The following PRR16 variants were observed in gnomAD, a reference collection of about 807,000 sequenced individuals.
The protein encoded by PRR16 is protein Largen.
Under a neutral mutation model 18.2 loss-of-function variants are expected in PRR16, and 6 were observed. The ratio of observed to expected loss-of-function variants is 0.33; its 90% CI spans 0.18 to 0.65. The LOEUF (loss-of-function observed/expected upper bound fraction) is 0.65, where lower values mean the gene tolerates loss of function less well. Ranked by LOEUF, PRR16 falls within the 30% of genes least tolerant of loss-of-function variation. PRR16 has a pLI of 0.74. For synonymous variants in PRR16, 151 were observed against 147.8 expected, an observed-to-expected ratio of 1.02 and a Z score of -0.16; for missense variants, 412 against 376.6, an observed-to-expected ratio of 1.09 and a Z score of -0.78.
chr5:120,508,942 C>G (rs1339820859), intron 1 of PRR16, among the ~76,000 whole-genome samples: 1 of 151,894 alleles, frequency 6.6e-6, no homozygotes, highest in Admixed American at 6.6e-5. Flanking sequence ...TGTATATAAC[C>G]TGTAACTTTT....
At chr5:120,543,867 C>G (rs1192603083) in intron 1 of PRR16, among the ~76,000 whole-genome samples, 2 of 152,150 alleles carry the variant, frequency 1.3e-5, no homozygotes, top group South Asian at 2.1e-4. Context: ...TACTTGTCCT[C>G]TTTGAGTCTC....
the PRR16 span, among the ~76,000 whole-genome samples, chr5:120,787,330 G>C: frequency 1.3e-5 from 2 of 152,094 alleles, no homozygotes; most frequent in African/African-American, 2.4e-5. Context: ...GTGGGTCTGA[G>C]GTAATGGATC....
chr5:120,716,615 C>A, the PRR16 span, among the ~76,000 whole-genome samples: 1,422 of 152,252 alleles, frequency 9.3e-3, 9 homozygotes, highest in Non-Finnish European at 0.014. Context: ...GTGGCTCACG[C>A]CTGTATTCCC....
At chr5:120,493,274 C>T (rs751084722) in intron 1 of PRR16, among the ~76,000 whole-genome samples, 2 of 152,028 alleles carry the variant, frequency 1.3e-5, no homozygotes, top group Non-Finnish European at 2.9e-5. Flanking sequence ...GGTGGTATAT[C>T]ATTGTGGTTT....
chr5:120,702,416 T>TTG, the PRR16 span, among the ~76,000 whole-genome samples: 2 of 149,714 alleles, frequency 1.3e-5, no homozygotes, highest in Non-Finnish European at 3.0e-5. Flanking sequence ...GGAGAAGGGG[T>TTG]TGAGGGGTAC....
intron 1 of PRR16, among the ~76,000 whole-genome samples, chr5:120,636,726 A>G (rs1182946077): frequency 6.6e-6 from 1 of 152,148 alleles, no homozygotes; most frequent in African/African-American, 2.4e-5. Context: ...ACTTCGGCAA[A>G]CACTTCATGA....
At chr5:120,622,837 A>G (rs2112824615) in intron 1 of PRR16, among the ~76,000 whole-genome samples, 1 of 151,976 alleles carries the variant, frequency 6.6e-6, no homozygotes, top group South Asian at 2.1e-4. Flanking sequence ...TACTTTTTAC[A>G]TTATTTCTTT....
intron 1 of PRR16, among the ~76,000 whole-genome samples, chr5:120,582,612 A>G (rs76319254): frequency 0.056 from 8,482 of 152,286 alleles, 308 homozygotes; most frequent in South Asian, 0.081. Flanking sequence ...AAATATTGTT[A>G]AGGACTTTAA....
At chr5:120,785,904 T>TAA in the PRR16 span, among the ~76,000 whole-genome samples, 1 of 151,806 alleles carries the variant, frequency 6.6e-6, no homozygotes, top group Non-Finnish European at 1.5e-5. Flanking sequence ...TCCTGATTTC[T>TAA]AAAGTTACCC....
chr5:120,656,566 A>T (rs916018455), intron 1 of PRR16, among the ~76,000 whole-genome samples: 1 of 151,876 alleles, frequency 6.6e-6, no homozygotes, highest in Non-Finnish European at 1.5e-5. Context: ...AAAATCCAGT[A>T]TAATTAGTTG....
At position 120,566,306 on chromosome 5, in the gene PRR16, C is replaced by T. The variant is rs111978145; in HGVS notation, c.159+101661C>T. 1.7e-3 allele frequency among the ~76,000 whole-genome samples: 260 copies of T among 152,288 alleles called. 1 individual carries two copies. The highest frequency in any genetic ancestry group is 5.8e-3 in the African/African-American group (240 of 41,556). On this transcript the variant is annotated intron_variant, in intron 1 of 1. Coordinates refer to ENST00000407149, the MANE Select transcript of PRR16 (RefSeq NM_001300783.2). ...TGCCTCCAGAACTGTGAGCCAAATA[C>T]ATCTCTTTCCTTTATGAAGAACCCA...
At chr5:120,620,254 A>C (rs1754645434) in intron 1 of PRR16, among the ~76,000 whole-genome samples, 1 of 152,166 alleles carries the variant, frequency 6.6e-6, no homozygotes, top group Non-Finnish European at 1.5e-5. Flanking sequence ...AGTGACCTTG[A>C]ATATTATAAC....
the PRR16 span, among the ~76,000 whole-genome samples, chr5:120,741,710 C>G: frequency 6.6e-6 from 1 of 152,032 alleles, no homozygotes; most frequent in Non-Finnish European, 1.5e-5. Context: ...CAAGCGATTC[C>G]CCTGTCTCAG....
At chr5:120,640,531 G>A (rs1755387626) in intron 1 of PRR16, among the ~76,000 whole-genome samples, 1 of 152,074 alleles carries the variant, frequency 6.6e-6, no homozygotes, top group Non-Finnish European at 1.5e-5. Flanking sequence ...CAGTTTTTAA[G>A]GCAGTATATT....
the PRR16 span, among the ~76,000 whole-genome samples, chr5:120,771,089 G>T: frequency 1.3e-5 from 2 of 151,620 alleles, no homozygotes; most frequent in Non-Finnish European, 2.9e-5. Flanking sequence ...ATTGTTCATG[G>T]TTCAAATTAA....
At chr5:120,735,841 G>C in the PRR16 span, among the ~76,000 whole-genome samples, 1 of 152,018 alleles carries the variant, frequency 6.6e-6, no homozygotes, top group Non-Finnish European at 1.5e-5. Context: ...AGTCCCACTT[G>C]TGTATTTTTG....
chr5:120,780,275 T>G, the PRR16 span, among the ~76,000 whole-genome samples: 1 of 152,214 alleles, frequency 6.6e-6, no homozygotes, highest in African/African-American at 2.4e-5. Flanking sequence ...AGCCTATAAC[T>G]AAGGAAGTAC....
the PRR16 span, among the ~76,000 whole-genome samples, chr5:120,745,108 T>A: frequency 3.9e-5 from 6 of 152,288 alleles, no homozygotes; most frequent in African/African-American, 1.4e-4. Flanking sequence ...TCCTCCCTAA[T>A]CATAAGAAGA....
chr5:120,717,804 T>C, the PRR16 span, among the ~76,000 whole-genome samples: 3 of 152,202 alleles, frequency 2.0e-5, no homozygotes, highest in Non-Finnish European at 4.4e-5. Flanking sequence ...AGACTGTTAA[T>C]TAAATTTGAA....
Sources: gnomAD v4.1 joint callset for allele counts (sites outside exome capture counted in the v4.1 genomes callset) on GRCh38, gnomAD v4.1.1 for gene constraint, MANE v1.5 for transcripts, NCBI Gene and HGNC (gene_info 2026-07-23, HGNC 2026-07-21) for gene names.